The following JAKMIP2 variants were observed in gnomAD, a reference collection of about 807,000 sequenced individuals.
JAKMIP2 encodes the protein janus kinase and microtubule-interacting protein 2.
In JAKMIP2, 25 loss-of-function variants were observed where a neutral mutation model predicts 115.0. The ratio of observed to expected loss-of-function variants is 0.22; its 90% CI spans 0.16 to 0.30. The LOEUF (loss-of-function observed/expected upper bound fraction) is 0.30. JAKMIP2 is among the 10% of genes least tolerant of loss of function. The probability of loss-of-function intolerance (pLI) is 1.00; values close to 1 mark genes in which losing one functional copy is unlikely to be tolerated. For synonymous variants in JAKMIP2, 334 were observed against 343.6 expected, an observed-to-expected ratio of 0.97 and a Z score of 0.31; for missense variants, 642 against 957.6, an observed-to-expected ratio of 0.67 and a Z score of 4.35.
intron 20 of JAKMIP2, among the ~76,000 whole-genome samples, chr5:147,605,434 C>T (rs922394810): frequency 6.6e-6 from 1 of 152,074 alleles, no homozygotes; most frequent in African/African-American, 2.4e-5. Context: ...TGGTCTCGAT[C>T]TCCTGACCTG....
chr5:147,687,037 T>C (rs1385327004), intron 1 of JAKMIP2, among the ~76,000 whole-genome samples: 4 of 152,172 alleles, frequency 2.6e-5, no homozygotes, highest in Admixed American at 6.5e-5. Context: ...CAATCTTTGA[T>C]ATTCCAAAGC....
Position 147,589,698 on chromosome 5 carries a change from C to G in JAKMIP2, c.*2009G>C, listed in dbSNP as rs1417442043. The G allele has an allele frequency of 2.6e-5, 4 of 152,136 alleles. No individual in the cohort carries two copies. The highest frequency in any genetic ancestry group is 9.7e-5 in the African/African-American group (4 of 41,442). The allele number at this position is 152,136 out of a possible 1,614,324, so 9.4% of individuals were successfully genotyped here. A position where few individuals can be genotyped will look rare whatever the true frequency, so the allele number is the denominator to read the frequency against. Reference sequence around the variant, plus strand: ...AAATGACACACTCTTCTATCTTGTTCAATAGCATGAGATGATCTATTTCCT... The same window carrying G: ...AAATGACACACTCTTCTATCTTGTTGAATAGCATGAGATGATCTATTTCCT... On this transcript the variant is annotated 3_prime_UTR_variant, in exon 22 of 22. Coordinates refer to ENST00000616793, the MANE Select transcript of JAKMIP2 (RefSeq NM_001270941.2).
chr5:147,743,294 T>C (rs1754219638), intron 1 of JAKMIP2, among the ~76,000 whole-genome samples: 2 of 152,234 alleles, frequency 1.3e-5, no homozygotes, highest in Non-Finnish European at 2.9e-5. Context: ...TAATTTGAAG[T>C]GACTTTTTTG....
chr5:147,684,073 C>T (rs1242495970), intron 1 of JAKMIP2, among the ~76,000 whole-genome samples: 1 of 152,096 alleles, frequency 6.6e-6, no homozygotes, highest in African/African-American at 2.4e-5. Flanking sequence ...TGCTCACCTA[C>T]ATTTTCTGTC....
chr5:147,683,384 C>T (rs866026585), intron 1 of JAKMIP2, among the ~76,000 whole-genome samples: 1 of 152,034 alleles, frequency 6.6e-6, no homozygotes, highest in African/African-American at 2.4e-5. Flanking sequence ...CTCAGCTATT[C>T]GGAAGGTTGA....
intron 20 of JAKMIP2, among the ~76,000 whole-genome samples, chr5:147,607,009 T>C (rs1301612663): frequency 9.2e-5 from 14 of 152,208 alleles, no homozygotes; most frequent in Non-Finnish European, 7.3e-5. Flanking sequence ...CTTGTGATTT[T>C]TGCACATTGA....
chr5:147,643,412 G>T (rs1757974702), intron 7 of JAKMIP2, among the ~76,000 whole-genome samples: 1 of 151,988 alleles, frequency 6.6e-6, no homozygotes, highest in Non-Finnish European at 1.5e-5. Context: ...AACCAACGAT[G>T]TCATTCACAG....
intron 21 of JAKMIP2, among the ~76,000 whole-genome samples, chr5:147,600,224 C>T (rs1204336833): frequency 6.7e-6 from 1 of 150,270 alleles, no homozygotes; most frequent in Non-Finnish European, 1.5e-5. Context: ...ACTTAGTCCT[C>T]TTCTTTCCAT....
chr5:147,670,613 A>G (rs539477224), intron 2 of JAKMIP2, among the ~76,000 whole-genome samples: 4 of 152,138 alleles, frequency 2.6e-5, no homozygotes, highest in Admixed American at 6.5e-5. Flanking sequence ...TGAATATTAA[A>G]AAGAATACTA....
chr5:147,659,661 T>G (rs1446811801), intron 3 of JAKMIP2, among the ~76,000 whole-genome samples: 1 of 152,182 alleles, frequency 6.6e-6, no homozygotes, highest in Non-Finnish European at 1.5e-5. Flanking sequence ...TCATTGAATA[T>G]TTACCTGCCA....
intron 3 of JAKMIP2, among the ~76,000 whole-genome samples, chr5:147,652,044 A>G (rs1281913594): frequency 6.6e-6 from 1 of 152,188 alleles, no homozygotes; most frequent in East Asian, 1.9e-4. Context: ...ATTACTGCCC[A>G]CATTCAGCCT....
intron 1 of JAKMIP2, among the ~76,000 whole-genome samples, chr5:147,718,843 T>C (rs1452345694): frequency 6.6e-6 from 1 of 151,320 alleles, no homozygotes; most frequent in Non-Finnish European, 1.5e-5. Context: ...GTGTCTCTAT[T>C]TCCTTCAGTT....
chr5:147,619,269 G>A (rs966811766), intron 18 of JAKMIP2, among the ~76,000 whole-genome samples: 7 of 151,574 alleles, frequency 4.6e-5, no homozygotes, highest in South Asian at 2.1e-4. Context: ...CAGTAGTCTC[G>A]GGACCCACAT....
chr5:147,654,697 G>A (rs747860834), intron 3 of JAKMIP2, among the ~76,000 whole-genome samples: 3 of 151,964 alleles, frequency 2.0e-5, no homozygotes, highest in Admixed American at 6.6e-5. Flanking sequence ...ATCTGAATAC[G>A]CTTGATTTCT....
intron 3 of JAKMIP2, among the ~76,000 whole-genome samples, chr5:147,651,625 GA>G (rs936575072): frequency 6.7e-5 from 10 of 149,190 alleles, no homozygotes; most frequent in South Asian, 4.2e-4. Context: ...TCTTAGACCA[GA>G]AAAAAAAAAC....
chr5:147,706,237 G>A (rs1178985372), intron 1 of JAKMIP2, among the ~76,000 whole-genome samples: 2 of 152,030 alleles, frequency 1.3e-5, no homozygotes, highest in South Asian at 2.1e-4. Flanking sequence ...GAATTCCCTC[G>A]GTTCACTGAT....
rs765897999 is a variant in JAKMIP2, at chr5:147,661,021, C to A, written c.554G>T (p.Arg185Leu). 4 of 1,613,850 alleles carry A rather than the reference C, an allele frequency of 2.5e-6. No homozygotes were observed. Among genetic ancestry groups the A allele is most frequent in the Non-Finnish European group, 3.4e-6 (4 of 1,180,008 alleles). Residue 185 changes from arginine (R) to leucine (L), a missense_variant, in exon 3 of 22, where the codon CGG becomes CTG. Coordinates refer to ENST00000616793, the MANE Select transcript of JAKMIP2 (RefSeq NM_001270941.2). ...TTCTTGGTGGGACTGATGCTCACTC[C>A]GAAGGTCCCCAGCCTTGATTTTATC... Reference protein sequence around the residue: ...QADKIKAGDLRSEHQSHQEAI... With the variant: ...QADKIKAGDLLSEHQSHQEAI...
chr5:147,721,170 G>A (rs1753265578), intron 1 of JAKMIP2, among the ~76,000 whole-genome samples: 1 of 151,334 alleles, frequency 6.6e-6, no homozygotes, highest in South Asian at 2.1e-4. Flanking sequence ...CGGGGGTCAG[G>A]AGTCAGGGAC....
chr5:147,678,019 G>A (rs1275879846), intron 1 of JAKMIP2, among the ~76,000 whole-genome samples: 1 of 151,514 alleles, frequency 6.6e-6, no homozygotes, highest in African/African-American at 2.4e-5. Flanking sequence ...TTGTTCGTTT[G>A]TTTGAGACGG....
Sources: allele counts gnomAD v4.1 joint callset (sites outside exome capture counted in the v4.1 genomes callset), GRCh38; gene constraint gnomAD v4.1.1; transcripts MANE v1.5; gene names NCBI Gene and HGNC (gene_info 2026-07-23, HGNC 2026-07-21).